The following CCDC81 variants were observed in gnomAD, a reference collection of about 807,000 sequenced individuals.
The protein encoded by CCDC81 is coiled-coil domain containing 81, also known as coiled-coil domain-containing protein 81.
A neutral mutation model predicts 83.7 loss-of-function variants in CCDC81; 79 were observed. The ratio of observed to expected loss-of-function variants is 0.94; its 90% CI spans 0.79 to 1.14. The LOEUF (loss-of-function observed/expected upper bound fraction) is 1.14. Among genes scored for constraint, CCDC81 ranks in the 50% most tolerant of loss-of-function variants. CCDC81 has a pLI of 0.00. For missense variants in CCDC81, 791 were observed against 778.1 expected (o/e 1.02, Z -0.20); for synonymous variants, 252 against 278.1 (o/e 0.91, Z 0.93).
At chr11:86,388,151 C>T (rs1176658231) in intron 3 of CCDC81, among the ~76,000 whole-genome samples, 1 of 151,896 alleles carries the variant, frequency 6.6e-6, no homozygotes, top group African/African-American at 2.4e-5. Flanking sequence ...CCTTATATAC[C>T]TTTCGCATAC....
At chr11:86,414,922 C>A in intron 12 of CCDC81, 55 bp downstream of exon 12, 1 of 1,462,308 alleles carries the variant, frequency 6.8e-7, no homozygotes, top group Non-Finnish European at 9.4e-7. Context: ...CAATAACATC[C>A]TAAAATATGT....
chr11:86,406,587 A>G (rs1411714075), intron 7 of CCDC81, among the ~76,000 whole-genome samples: 2 of 152,094 alleles, frequency 1.3e-5, no homozygotes, highest in East Asian at 3.9e-4. Context: ...TGGGCAGACC[A>G]CTAGGTCAGG....
chr11:86,388,583 T>G (rs928748804), intron 3 of CCDC81, among the ~76,000 whole-genome samples: 3 of 152,224 alleles, frequency 2.0e-5, no homozygotes, highest in African/African-American at 7.2e-5. Context: ...TGAGTAACTT[T>G]CTACTTTCAA....
In CCDC81 at chr11:86,389,985, G is replaced by T. The variant is rs373689304; in HGVS notation, c.298+2313G>T. 2.1e-3 allele frequency among the ~76,000 whole-genome samples: 324 copies of T among 152,136 alleles called. 6 individuals are homozygous for T. The South Asian group carries it at 0.031, about 14-fold the overall frequency. On this transcript the variant is annotated intron_variant, in intron 3 of 14. Transcript: ENST00000445632. Reference sequence around the variant, plus strand: ...CTGGGCGTGGTGGTGCATGCCTGTAGTTCCAGCTACTCAGGAGGCTAAGGC... The same window carrying T: ...CTGGGCGTGGTGGTGCATGCCTGTATTTCCAGCTACTCAGGAGGCTAAGGC...
At chr11:86,408,615 G>A (rs1948595548) in intron 9 of CCDC81, among the ~76,000 whole-genome samples, 1 of 152,114 alleles carries the variant, frequency 6.6e-6, no homozygotes, top group Non-Finnish European at 1.5e-5. Context: ...AAAGTGCTGG[G>A]ATTACAGGCA....
At chr11:86,419,785 C>T in intron 13 of CCDC81, 143 bp from the exon 14 acceptor site, 1 of 688,814 alleles carries the variant, frequency 1.5e-6, no homozygotes, top group Non-Finnish European at 2.2e-6. Context: ...TATGCTTTTA[C>T]AGTGTTCATG....
chr11:86,419,815 G>T, intron 13 of CCDC81, 113 bp from the exon 14 acceptor site: 1 of 1,076,264 alleles, frequency 9.3e-7, no homozygotes. Context: ...ATATTTCAGA[G>T]TAGTGAACAA....
chr11:86,381,979 G>C (rs1424910493), intron 1 of CCDC81, among the ~76,000 whole-genome samples: 1 of 152,196 alleles, frequency 6.6e-6, no homozygotes, highest in Admixed American at 6.5e-5. Context: ...CTTATGGTGA[G>C]AGTATGATGT....
chr11:86,385,698 G>A (rs1948232890), intron 1 of CCDC81, among the ~76,000 whole-genome samples: 1 of 152,184 alleles, frequency 6.6e-6, no homozygotes, highest in Admixed American at 6.5e-5. Flanking sequence ...ATAGACACCC[G>A]ATAAACGGTT....
At chr11:86,387,081 G>T (rs1321600748) in intron 2 of CCDC81, among the ~76,000 whole-genome samples, 1 of 152,208 alleles carries the variant, frequency 6.6e-6, no homozygotes, top group South Asian at 2.1e-4. Context: ...CATATGATTT[G>T]GATGCTGGTT....
intron 7 of CCDC81, among the ~76,000 whole-genome samples, chr11:86,406,285 C>T (rs1054008566): frequency 3.9e-5 from 6 of 152,168 alleles, no homozygotes; most frequent in South Asian, 2.1e-4. Context: ...CCTGATGCAA[C>T]GTCCGAATCA....
Position 86,386,145 on chromosome 11 carries a change from AATTAATTT to A in CCDC81, c.141+42_141+49del, listed in dbSNP as rs769051037. On this transcript the variant is annotated intron_variant, in intron 2 of 14. Coordinates refer to ENST00000445632, the MANE Select transcript of CCDC81 (RefSeq NM_001156474.2). The stretch of plus-strand genomic sequence containing the variant: ...TTATTAATTTATTAATTTATTAATA[AATTAATTT>A]ATTAATTTTAATGTAGGCATCTAAA... The A allele has an allele frequency of 3.6e-6, 3 of 824,212 alleles. No individual in the cohort carries two copies. In the East Asian group the frequency reaches 1.2e-4, roughly 32 times the overall value. The allele number at this position is 824,212 out of a possible 1,614,324, so 51.1% of individuals were successfully genotyped here.
chr11:86,397,312 A>G (rs1198606541), intron 5 of CCDC81, among the ~76,000 whole-genome samples: 1 of 152,168 alleles, frequency 6.6e-6, no homozygotes, highest in Non-Finnish European at 1.5e-5. Flanking sequence ...CTAGTTAAAG[A>G]AGTAGGATAT....
At position 86,374,935 on chromosome 11, in the gene CCDC81, C is replaced by G. The variant is rs1021629292; in HGVS notation, c.-229C>G. On this transcript the variant is annotated 5_prime_UTR_variant, in exon 1 of 15. Coordinates refer to ENST00000445632, the MANE Select transcript of CCDC81 (RefSeq NM_001156474.2). ...TGCGGCTCTTGCTGTGGGAGCTGCC[C>G]GAGAGCCAGAGCAGTGGGGAGGGAC... 30 of 498,126 alleles carry G rather than the reference C, an allele frequency of 6.0e-5. No homozygotes were observed. The highest frequency in any genetic ancestry group is 6.6e-5 in the Non-Finnish European group (18 of 270,940). 30.9% of individuals were successfully genotyped at this position (498,126 alleles called of 1,614,324 possible).
intron 7 of CCDC81, among the ~76,000 whole-genome samples, chr11:86,404,987 T>C (rs765279755): frequency 5.3e-5 from 8 of 152,208 alleles, no homozygotes; most frequent in Non-Finnish European, 1.2e-4. Context: ...GTAATTGTTT[T>C]ATGTATACTT....
At chr11:86,406,676 G>A (rs1565767264) in intron 7 of CCDC81, among the ~76,000 whole-genome samples, 1 of 152,028 alleles carries the variant, frequency 6.6e-6, no homozygotes, top group South Asian at 2.1e-4. Flanking sequence ...ATGGTGGTGT[G>A]CACCTGTAAT....
chr11:86,400,933 T>C (rs1026494879), intron 7 of CCDC81, 132 bp downstream of exon 7: 4 of 926,070 alleles, frequency 4.3e-6, no homozygotes, highest in Admixed American at 5.6e-5. Flanking sequence ...ATATGCAACA[T>C]GATGGGAATA....
In CCDC81 at chr11:86,415,329, A is replaced by T; in HGVS notation, c.1691+16A>T. ...CACAAAGAGAGTAAGGAGACCCCTG[A>T]TCTTTCTCCCTCCACTTCTCCTCAC... On this transcript the variant is annotated intron_variant, in intron 13 of 14. Transcript: ENST00000445632. The T allele has an allele frequency of 1.9e-6, 3 of 1,597,232 alleles. No individual in the cohort carries two copies. Among genetic ancestry groups the T allele is most frequent in the Non-Finnish European group, 2.6e-6 (3 of 1,166,096 alleles).
At chr11:86,414,538 C>T (rs1319292963) in intron 11 of CCDC81, 2 of 377,542 alleles carry the variant, frequency 5.3e-6, no homozygotes, top group Non-Finnish European at 9.5e-6. Context: ...GACTCCTGAC[C>T]TCAAGTGATC....
Sources: allele counts gnomAD v4.1 joint callset (sites outside exome capture counted in the v4.1 genomes callset), GRCh38; gene constraint gnomAD v4.1.1; transcripts MANE v1.5; gene names NCBI Gene and HGNC (gene_info 2026-07-23, HGNC 2026-07-21).